The following GPC5 variants were observed in gnomAD, a reference collection of about 807,000 sequenced individuals.
GPC5 encodes glypican-5.
In GPC5, 47 loss-of-function variants were observed where a neutral mutation model predicts 53.9. That is an observed-to-expected ratio of 0.87 (90% confidence interval 0.69 to 1.11). The LOEUF is 1.11. Among genes scored for constraint, GPC5 ranks in the 50% most tolerant of loss-of-function variants. The pLI is 0.00. For missense variants in GPC5, 748 were observed against 713.1 expected, an observed-to-expected ratio of 1.05 and a Z score of -0.56; for synonymous variants, 286 against 263.3, an observed-to-expected ratio of 1.09 and a Z score of -0.84.
At chr13:91,639,638 A>G (rs1273083577) in intron 2 of GPC5, among the ~76,000 whole-genome samples, 1 of 97,510 alleles carries the variant, frequency 1.0e-5, no homozygotes. Flanking sequence ...ATTGTTACCC[A>G]AGAAGTCCTG....
At chr13:91,804,799 C>T (rs2038194266) in intron 5 of GPC5, among the ~76,000 whole-genome samples, 1 of 152,282 alleles carries the variant, frequency 6.6e-6, no homozygotes, top group African/African-American at 2.4e-5. Context: ...AAGACCTGCC[C>T]ATTACAGTGA....
intron 7 of GPC5, among the ~76,000 whole-genome samples, chr13:92,608,781 T>C (rs547807994): frequency 5.3e-5 from 8 of 152,342 alleles, no homozygotes; most frequent in African/African-American, 1.9e-4. Context: ...TTGTTTGTTA[T>C]ACACAATTGT....
chr13:92,554,937 G>GTTTTT (rs148890213), intron 7 of GPC5, among the ~76,000 whole-genome samples: 1 of 147,134 alleles, frequency 6.8e-6, no homozygotes, highest in Non-Finnish European at 1.5e-5. Context: ...TAAGTTTTGA[G>GTTTTT]TTTGTTTTTT....
chr13:92,132,338 T>A (rs1391346128), intron 6 of GPC5, among the ~76,000 whole-genome samples: 1 of 152,132 alleles, frequency 6.6e-6, no homozygotes, highest in Non-Finnish European at 1.5e-5. Flanking sequence ...ATGTATTCAT[T>A]TGTGGGAGCT....
At chr13:91,577,703 T>C (rs775786886) in intron 2 of GPC5, among the ~76,000 whole-genome samples, 10 of 152,224 alleles carry the variant, frequency 6.6e-5, no homozygotes, top group Non-Finnish European at 7.3e-5. Flanking sequence ...CTTCTTCTTC[T>C]AAACGTTTGT....
chr13:91,973,230 C>T (rs558912465), intron 6 of GPC5, among the ~76,000 whole-genome samples: 2 of 152,198 alleles, frequency 1.3e-5, no homozygotes, highest in Non-Finnish European at 2.9e-5. Context: ...TCTTCCATCA[C>T]TGATACCCTT....
chr13:92,051,199 C>CTTTTTTTTTT (rs72346282), intron 6 of GPC5, among the ~76,000 whole-genome samples: 11 of 73,908 alleles, frequency 1.5e-4, no homozygotes, highest in African/African-American at 2.6e-4. Context: ...TCATTTTTTT[C>CTTTTTTTTTT]TTTTTTTTTT....
intron 7 of GPC5, among the ~76,000 whole-genome samples, chr13:92,602,991 G>T (rs1158232186): frequency 6.6e-6 from 1 of 152,122 alleles, no homozygotes; most frequent in Non-Finnish European, 1.5e-5. Flanking sequence ...GGTAAGTTGG[G>T]ATAGCATGTG....
chr13:92,167,934 T>C (rs951705812), intron 7 of GPC5, among the ~76,000 whole-genome samples: 2 of 151,804 alleles, frequency 1.3e-5, no homozygotes, highest in Admixed American at 1.3e-4. Flanking sequence ...AAGTGACACA[T>C]CGTTAGATCC....
intron 5 of GPC5, among the ~76,000 whole-genome samples, chr13:91,831,053 C>A (rs2038651745): frequency 7.6e-6 from 1 of 131,278 alleles, no homozygotes; most frequent in Non-Finnish European, 1.6e-5. Context: ...TTATATATAT[C>A]CTATTTATAT....
At chr13:92,097,820 A>G (rs541372534) in intron 6 of GPC5, among the ~76,000 whole-genome samples, 8 of 152,326 alleles carry the variant, frequency 5.3e-5, no homozygotes, top group Admixed American at 5.2e-4. Flanking sequence ...TTTCATGAAA[A>G]ATGAATGATG....
chr13:91,781,399 A>G (rs539348668), intron 5 of GPC5, among the ~76,000 whole-genome samples: 1 of 152,330 alleles, frequency 6.6e-6, no homozygotes, highest in Admixed American at 6.5e-5. Flanking sequence ...AGATGTACTG[A>G]TTTACTTCAA....
rs77038472 is a variant in GPC5, at chr13:92,223,521, T to C, written c.1561+78532T>C. On this transcript the variant is annotated intron_variant, in intron 7 of 7. Transcript: ENST00000377067. ...ATAGTTTGCTTTACTCACCATTTGT[T>C]TGCAAAAATACAACTTCTACAATTG... 7.3e-3 allele frequency among the ~76,000 whole-genome samples: 1,118 copies of C among 152,256 alleles called. 3 individuals are homozygous for C. Among genetic ancestry groups the C allele is most frequent in the Middle Eastern group, 0.024 (7 of 294 alleles).
intron 7 of GPC5, among the ~76,000 whole-genome samples, chr13:92,184,053 C>T (rs912400924): frequency 2.0e-5 from 3 of 151,960 alleles, no homozygotes; most frequent in African/African-American, 7.2e-5. Flanking sequence ...ATAATTATCT[C>T]AAATTCATAT....
At chr13:91,942,213 T>C (rs2039933794) in intron 6 of GPC5, among the ~76,000 whole-genome samples, 1 of 152,086 alleles carries the variant, frequency 6.6e-6, no homozygotes, top group African/African-American at 2.4e-5. Context: ...AAGGATCCCA[T>C]ATTTACCTGA....
intron 7 of GPC5, among the ~76,000 whole-genome samples, chr13:92,860,037 C>T (rs1879128879): frequency 6.6e-6 from 1 of 152,046 alleles, no homozygotes; most frequent in Non-Finnish European, 1.5e-5. Context: ...GTGACAATTT[C>T]CTTGCTATTA....
chr13:91,492,498 G>A (rs1883993513), intron 2 of GPC5, among the ~76,000 whole-genome samples: 1 of 152,158 alleles, frequency 6.6e-6, no homozygotes, highest in Non-Finnish European at 1.5e-5. Context: ...GAGTACTGAT[G>A]TCTGACAGCC....
At chr13:91,915,166 A>C (rs2039646476) in intron 6 of GPC5, among the ~76,000 whole-genome samples, 1 of 152,212 alleles carries the variant, frequency 6.6e-6, no homozygotes, top group South Asian at 2.1e-4. Flanking sequence ...TTAGCAATGC[A>C]GTAGTGATCA....
intron 5 of GPC5, among the ~76,000 whole-genome samples, chr13:91,850,141 T>C (rs776659258): frequency 6.6e-6 from 1 of 152,220 alleles, no homozygotes; most frequent in Non-Finnish European, 1.5e-5. Flanking sequence ...ACCATGACTC[T>C]CACCTTGAAA....
Sources: gnomAD v4.1 joint callset for allele counts (sites outside exome capture counted in the v4.1 genomes callset) on GRCh38, gnomAD v4.1.1 for gene constraint, MANE v1.5 for transcripts, NCBI Gene and HGNC (gene_info 2026-07-23, HGNC 2026-07-21) for gene names.